Variants in TNC observed in about 807,000 individuals in gnomAD.
TNC encodes tenascin.
Under a neutral mutation model 202.4 loss-of-function variants are expected in TNC, and 109 were observed. That is an observed-to-expected ratio of 0.54 (90% CI 0.46 to 0.63). TNC has a LOEUF of 0.63. Among genes scored for constraint, TNC ranks in the 30% least tolerant of loss-of-function variants. TNC has a pLI of 0.00. For synonymous variants in TNC, 1,007 were observed against 1,089.7 expected (o/e 0.92, Z 1.50); for missense variants, 2,756 against 2,833.3 (o/e 0.97, Z 0.62).
chr9:115,107,861 A>T (rs186620954), intron 1 of TNC, among the ~76,000 whole-genome samples: 83 of 152,340 alleles, frequency 5.4e-4, no homozygotes, highest in African/African-American at 1.7e-3. Context: ...GTGGCTGTGC[A>T]CATGTAAGCA....
intron 1 of TNC, among the ~76,000 whole-genome samples, chr9:115,095,792 T>C (rs935113446): frequency 3.4e-5 from 5 of 148,896 alleles, no homozygotes; most frequent in Non-Finnish European, 5.9e-5. Context: ...TAATATTACA[T>C]ATTATAATAC....
intron 10 of TNC, among the ~76,000 whole-genome samples, chr9:115,071,067 C>A (rs1054823193): frequency 6.6e-6 from 1 of 152,134 alleles, no homozygotes; most frequent in Admixed American, 6.5e-5. Context: ...TCTGTTTGTT[C>A]GCTACACAGT....
At chr9:115,075,646 G>A (rs541249010) in intron 9 of TNC, among the ~76,000 whole-genome samples, 147 of 152,204 alleles carry the variant, frequency 9.7e-4, no homozygotes, top group Non-Finnish European at 1.5e-3. Context: ...TTAGCTGGGC[G>A]TGGTGGTATG....
At chr9:115,024,254 A>G in intron 26 of TNC, 118 bp from the exon 27 acceptor site, 1 of 1,011,312 alleles carries the variant, frequency 9.9e-7, no homozygotes, top group Non-Finnish European at 1.5e-6. Flanking sequence ...CTGGCCTTGA[A>G]CATTGATCCC....
chr9:115,021,020 A>G lies in TNC; in HGVS notation c.*137T>C. On this transcript the variant is annotated 3_prime_UTR_variant, in exon 28 of 28. Coordinates refer to ENST00000350763, the MANE Select transcript of TNC (RefSeq NM_002160.4). ...GGCCCATGCTGTTGCCGTTGGCCCC[A>G]GGGATCCATGGTCAGCTTTGACTCT... is the stretch of plus-strand genomic sequence containing the variant. 1 of 652,630 alleles carries G rather than the reference A, an allele frequency of 1.5e-6. No homozygotes were observed. Among genetic ancestry groups the G allele is most frequent in the Non-Finnish European group, 2.6e-6 (1 of 381,840 alleles). 40.4% of individuals were successfully genotyped at this position (652,630 alleles called of 1,614,324 possible).
At chr9:115,021,444 G>A (rs949140341) in intron 27 of TNC, among the ~76,000 whole-genome samples, 177 bp from the exon 28 acceptor site, 39 of 152,128 alleles carry the variant, frequency 2.6e-4, no homozygotes, top group African/African-American at 8.7e-4. Context: ...TGTTGGTCTG[G>A]GTTGTGGAAA....
At chr9:115,037,614 G>A (rs992214695) in intron 20 of TNC, among the ~76,000 whole-genome samples, 4 of 151,962 alleles carry the variant, frequency 2.6e-5, no homozygotes, top group African/African-American at 4.8e-5. Flanking sequence ...TGCAGCCTCC[G>A]CCTCCCAGGT....
chr9:115,022,905 C>T (rs1325539690), intron 27 of TNC, among the ~76,000 whole-genome samples: 1 of 152,026 alleles, frequency 6.6e-6, no homozygotes, highest in Non-Finnish European at 1.5e-5. Flanking sequence ...TTAATTAGGG[C>T]ATAAACATGT....
At chr9:115,032,105 A>G (rs1213034581) in intron 22 of TNC, among the ~76,000 whole-genome samples, 1 of 152,106 alleles carries the variant, frequency 6.6e-6, no homozygotes, top group Non-Finnish European at 1.5e-5. Flanking sequence ...ATATTATTCT[A>G]TGTTTCTGTG....
chr9:115,054,156 C>A (rs1831920201), intron 15 of TNC, among the ~76,000 whole-genome samples: 1 of 152,184 alleles, frequency 6.6e-6, no homozygotes, highest in South Asian at 2.1e-4. Flanking sequence ...CACAATATTT[C>A]TTCCAAGGAC....
At chr9:115,072,584 C>A (rs190557857) in intron 10 of TNC, among the ~76,000 whole-genome samples, 18 of 152,332 alleles carry the variant, frequency 1.2e-4, no homozygotes, top group African/African-American at 4.1e-4. Context: ...CCTTTGCCAG[C>A]TCTCCTGATT....
At chr9:115,051,423 T>G (rs1430632663) in intron 15 of TNC, among the ~76,000 whole-genome samples, 1 of 152,140 alleles carries the variant, frequency 6.6e-6, no homozygotes, top group East Asian at 1.9e-4. Flanking sequence ...TTCTACGTTC[T>G]TTCCATACCC....
intron 15 of TNC, among the ~76,000 whole-genome samples, chr9:115,056,551 T>C (rs1251214118): frequency 1.3e-5 from 2 of 152,238 alleles, no homozygotes; most frequent in Non-Finnish European, 2.9e-5. Flanking sequence ...TTCACTATTC[T>C]GAGGGCAAGA....
intron 2 of TNC, among the ~76,000 whole-genome samples, chr9:115,087,796 G>A (rs1417017018): frequency 6.6e-6 from 1 of 150,874 alleles, no homozygotes; most frequent in Non-Finnish European, 1.5e-5. Flanking sequence ...CCGCCTCCTG[G>A]GTTCATGCCA....
intron 1 of TNC, among the ~76,000 whole-genome samples, chr9:115,097,950 C>T (rs904835312): frequency 6.6e-6 from 1 of 152,168 alleles, no homozygotes; most frequent in African/African-American, 2.4e-5. Flanking sequence ...GGCTAGGTGC[C>T]TAACTGCTCA....
At position 115,044,033 on chromosome 9, in the gene TNC, T is replaced by G. The variant is rs1341736727; in HGVS notation, c.5126-1692A>C. Among the ~76,000 whole-genome samples, 4 of 152,238 alleles carry G rather than the reference T, an allele frequency of 2.6e-5. No homozygotes were observed. The East Asian group carries it at 7.7e-4, about 29-fold the overall frequency. On this transcript the variant is annotated intron_variant, in intron 17 of 27. Transcript: ENST00000350763. ...AATTGAGGTAGAGCCATGATGAAAC[T>G]CCAAGGACACTGTCCCATGGTTGTT...
At position 115,098,938 on chromosome 9, in the gene TNC, A is replaced by ATTTTTTT. The variant is rs35624621; in HGVS notation, c.-136-7791_-136-7785dup. Among the ~76,000 whole-genome samples, 1,213 of 127,202 alleles carry ATTTTTTT rather than the reference A, an allele frequency of 9.5e-3. 38 individuals carry two copies. Among genetic ancestry groups the ATTTTTTT allele is most frequent in the East Asian group, 0.086 (373 of 4,360 alleles). 83.4% of individuals were successfully genotyped at this position (127,202 alleles called of 152,430 possible). A position where few individuals can be genotyped will look rare whatever the true frequency, so the allele number is the denominator to read the frequency against. ...AGCCAGGAAACAGCCTTAAGTGTGT[A>ATTTTTTT]TTTTTTTTTTTTTTTTTTTCCTGAG... On this transcript the variant is annotated intron_variant, in intron 1 of 27. Coordinates refer to ENST00000350763, the MANE Select transcript of TNC (RefSeq NM_002160.4).
Position 115,085,917 on chromosome 9 carries a change from A to G in TNC, c.1814T>C (p.Val605Ala), listed in dbSNP as rs774270355. ...PSDCNNLGQC[V>A]SGRCICNEGY... The stretch of plus-strand genomic sequence containing the variant: ...CTCGTTGCAGATGCAGCGGCCCGAG[A>G]CGCATTGTCCTAAGTTGTTGCAGTC... The change falls in exon 3 of 28, where the codon GTC (valine) becomes GCC (alanine). Residue 605 changes from valine (V) to alanine (A), a missense_variant. Val to Ala is a moderately conservative substitution (Grantham distance 64). Around this residue, in one of 2 missense-constraint regions of TNC, gnomAD observed 2,559 missense variants for 2,546.0 expected, o/e 1.01. Transcript: ENST00000350763. 1 of 1,613,014 alleles carries G rather than the reference A, an allele frequency of 6.2e-7. No homozygotes were observed. Among genetic ancestry groups the G allele is most frequent in the Admixed American group, 1.7e-5 (1 of 59,982 alleles).
At chr9:115,071,810 G>T (rs1833489366) in intron 10 of TNC, among the ~76,000 whole-genome samples, 1 of 152,152 alleles carries the variant, frequency 6.6e-6, no homozygotes, top group Non-Finnish European at 1.5e-5. Flanking sequence ...TTCATTTGTT[G>T]CCCCTTGACA....
Sources: allele counts gnomAD v4.1 joint callset (sites outside exome capture counted in the v4.1 genomes callset), GRCh38; gene constraint gnomAD v4.1.1; regional missense constraint gnomAD v4.1.1; transcripts MANE v1.5; gene names NCBI Gene and HGNC (gene_info 2026-07-23, HGNC 2026-07-21).